The following CEP76 variants were observed in gnomAD, a reference collection of about 807,000 sequenced individuals.
The protein encoded by CEP76 is centrosomal protein of 76 kDa.
Under a neutral mutation model 83.3 loss-of-function variants are expected in CEP76, and 55 were observed. The observed-to-expected ratio is 0.66, with a 90% CI of 0.53 to 0.83. CEP76 has a LOEUF of 0.83. CEP76 is among the 40% of genes least tolerant of loss of function. CEP76 has a pLI of 0.00. For missense variants in CEP76, 694 were observed against 799.5 expected, an observed-to-expected ratio of 0.87 and a Z score of 1.59; for synonymous variants, 270 against 274.5, an observed-to-expected ratio of 0.98 and a Z score of 0.16.
downstream of CEP76, among the ~76,000 whole-genome samples, chr18:12,670,199 G>A (rs188079245): frequency 3.3e-5 from 5 of 151,794 alleles, no homozygotes; most frequent in East Asian, 3.9e-4. Flanking sequence ...GCGTGGTAGC[G>A]TGTGCCTGTA....
intron 2 of CEP76, among the ~76,000 whole-genome samples, 192 bp downstream of exon 2, chr18:12,700,766 A>G (rs1230870568): frequency 6.6e-6 from 1 of 152,178 alleles, no homozygotes; most frequent in East Asian, 1.9e-4. Context: ...CACAAATTTC[A>G]TTGATACACA....
intron 12 of CEP76, among the ~76,000 whole-genome samples, chr18:12,666,755 A>G (rs1020176411): frequency 6.6e-6 from 1 of 152,080 alleles, no homozygotes; most frequent in Non-Finnish European, 1.5e-5. Context: ...GGCCAAAAAA[A>G]AAAAAACTTT....
At position 12,701,071 on chromosome 18, in the gene CEP76, T is replaced by G; in HGVS notation, c.106A>C (p.Ile36Leu). The change falls in exon 2 of 12, where the codon ATA becomes CTA. Residue 36 changes from isoleucine to leucine, a missense_variant. Ile to Leu is a conservative substitution (Grantham distance 5). Transcript: ENST00000262127. ...TGATCAGGTGCCAATTCTTCCCGTA[T>G]AGTCTCAGCAAGGATTTCTCTTATT... The part of the protein sequence containing the change: ...GRIREILAET[I>L]REELAPDQQH... 6.2e-7 allele frequency: 1 copy of G among 1,613,682 alleles called. No homozygotes were observed. Among genetic ancestry groups the G allele is most frequent in the South Asian group, 1.1e-5 (1 of 91,036 alleles).
chr18:12,685,954 TA>T (rs2039525685), intron 8 of CEP76: 1 of 188,444 alleles, frequency 5.3e-6, no homozygotes, highest in Non-Finnish European at 1.1e-5. Flanking sequence ...ATTTTATATA[TA>T]ACCTAAGCAC....
intron 8 of CEP76, 194 bp downstream of exon 8, chr18:12,686,067 AT>A (rs1438147715): frequency 4.3e-6 from 2 of 468,424 alleles, no homozygotes; most frequent in South Asian, 3.2e-5. Context: ...AATTTGTACT[AT>A]TTTTTATTAT....
At chr18:12,669,342 C>T (rs185088696), downstream of CEP76, among the ~76,000 whole-genome samples, 700 of 152,010 alleles carry the variant, frequency 4.6e-3, 5 homozygotes, top group African/African-American at 0.016. Context: ...GAACTCCTGA[C>T]CTCAGGTGAT....
intron 8 of CEP76, among the ~76,000 whole-genome samples, chr18:12,682,173 C>T (rs371886974): frequency 1.1e-4 from 16 of 149,598 alleles, no homozygotes; most frequent in African/African-American, 2.4e-4. Flanking sequence ...TTTTTTTTTT[C>T]CTCTCTTTTG....
In CEP76 at chr18:12,688,146, G is replaced by T. The variant is rs147729494; in HGVS notation, c.934-1696C>A. ...CTTAGGAGGCTGAGGCAGGAGAATG[G>T]CATGAATCTGGGAGGCGGAGCTTGC... On this transcript the variant is annotated intron_variant, in intron 7 of 11. Transcript: ENST00000262127. Among the ~76,000 whole-genome samples, 1,370 of 150,998 alleles carry T rather than the reference G, an allele frequency of 9.1e-3. 29 individuals are homozygous for T. The highest frequency in any genetic ancestry group is 0.032 in the African/African-American group (1,322 of 41,072).
chr18:12,701,337 C>T (rs2040143202), intron 1 of CEP76, among the ~76,000 whole-genome samples: 1 of 152,140 alleles, frequency 6.6e-6, no homozygotes, highest in African/African-American at 2.4e-5. Flanking sequence ...AAACAACACT[C>T]AACCAAAAGG....
chr18:12,699,015 C>G lies in CEP76; in HGVS notation c.484G>C (p.Asp162His). Reference sequence around the variant, plus strand: ...CTGTGTACTTCAAGTAAAAAGCCATCATGAAAATCTGGTTCACAGGCACAT... The same window carrying G: ...CTGTGTACTTCAAGTAAAAAGCCATGATGAAAATCTGGTTCACAGGCACAT... ...VPCACEPDFHDGFLLEVHRES... is the reference protein window; with the variant it reads ...VPCACEPDFHHGFLLEVHRES... The change falls in exon 4 of 12, where the codon GAT becomes CAT. Residue 162 changes from aspartate (D) to histidine (H), a missense_variant. Coordinates refer to ENST00000262127, the MANE Select transcript of CEP76 (RefSeq NM_024899.4). 1 of 1,613,544 alleles carries G rather than the reference C, an allele frequency of 6.2e-7. No homozygotes were observed. The highest frequency in any genetic ancestry group is 1.1e-5 in the South Asian group (1 of 91,026).
Position 12,702,533 on chromosome 18 carries a change from C to G in CEP76, c.16G>C (p.Glu6Gln). The change falls in exon 1 of 12, where the codon GAG (glutamate) becomes CAG (glutamine). Residue 6 changes from glutamate to glutamine, a missense_variant. Glu to Gln is a conservative substitution (Grantham distance 29). Transcript: ENST00000262127. ...AGCTGCTTCAGCTCGGAGGCTTTCT[C>G]CGGAGGCAGCGACATGCTGGCAGCC... MSLPPEKASELKQLIH... is the reference protein window; with the variant it reads MSLPPQKASELKQLIH... 1 of 1,608,084 alleles carries G rather than the reference C, an allele frequency of 6.2e-7. No individual in the cohort carries two copies. The highest frequency in any genetic ancestry group is 2.2e-5 in the East Asian group (1 of 44,540).
downstream of CEP76, among the ~76,000 whole-genome samples, chr18:12,667,760 C>CAAAAAAAAA (rs67167827): frequency 1.1e-5 from 1 of 89,932 alleles, no homozygotes; most frequent in African/African-American, 4.6e-5. Flanking sequence ...GACTCTTTCT[C>CAAAAAAAAA]AAAAAAAAAA....
chr18:12,678,455 A>C lies in CEP76; in HGVS notation c.1290-13T>G. ...TTTATGGATGTACCTAAAAAAATTAAATAATTTTATATATGAGAACTTAAA... is the reference window on the plus strand; with the variant it reads ...TTTATGGATGTACCTAAAAAAATTACATAATTTTATATATGAGAACTTAAA... On this transcript the variant is annotated splice_polypyrimidine_tract_variant and intron_variant, in intron 9 of 11. Coordinates refer to ENST00000262127, the MANE Select transcript of CEP76 (RefSeq NM_024899.4). The C allele has an allele frequency of 6.5e-7, 1 of 1,533,788 alleles. No individual in the cohort carries two copies. Among genetic ancestry groups the C allele is most frequent in the Non-Finnish European group, 8.8e-7 (1 of 1,132,380 alleles).
intron 1 of CEP76, 71 bp downstream of exon 1, chr18:12,702,415 C>G (rs1463253870): frequency 2.2e-5 from 27 of 1,234,384 alleles, no homozygotes; most frequent in Non-Finnish European, 3.1e-5. Context: ...GCTGTCGGCC[C>G]GGGGCCGCCG....
At chr18:12,678,522 C>T in intron 9 of CEP76, 80 bp from the exon 10 acceptor site, 1 of 922,694 alleles carries the variant, frequency 1.1e-6, no homozygotes, top group Non-Finnish European at 1.6e-6. Flanking sequence ...TATTCTAACA[C>T]TTAAGGCCAT....
chr18:12,691,092 G>T, intron 7 of CEP76: 1 of 295,784 alleles, frequency 3.4e-6, no homozygotes, highest in East Asian at 6.2e-5. Flanking sequence ...TATTCAGAAA[G>T]GGTTTAAAAC....
chr18:12,702,639 T>C lies in CEP76; in HGVS notation c.-91A>G. ...CGGGCCAGGGAGCGTTAGGAGCGAC[T>C]GGAGCACAAAGCGCCGCAGCCGTTC... On this transcript the variant is annotated 5_prime_UTR_variant, in exon 1 of 12. Transcript: ENST00000262127. The C allele has an allele frequency of 1.4e-6, 2 of 1,418,262 alleles. No individual in the cohort carries two copies. The highest frequency in any genetic ancestry group is 1.9e-6 in the Non-Finnish European group (2 of 1,056,568). 87.9% of individuals were successfully genotyped at this position (1,418,262 alleles called of 1,614,324 possible). A position where few individuals can be genotyped will look rare whatever the true frequency, so the allele number is the denominator to read the frequency against.
At chr18:12,662,292 A>G (rs1395025031) in intron 12 of CEP76, 1 of 378,218 alleles carries the variant, frequency 2.6e-6, no homozygotes, top group Admixed American at 3.4e-5. Context: ...TACTTTCAAA[A>G]TGTGCTCTTC....
At chr18:12,664,506 C>T (rs1292003376) in intron 12 of CEP76, among the ~76,000 whole-genome samples, 4 of 151,532 alleles carry the variant, frequency 2.6e-5, no homozygotes, top group Admixed American at 6.6e-5. Context: ...GCCAAGATCA[C>T]GCCATTGCAC....
Sources: allele counts gnomAD v4.1 joint callset (sites outside exome capture counted in the v4.1 genomes callset), GRCh38; gene constraint gnomAD v4.1.1; transcripts MANE v1.5; gene names NCBI Gene and HGNC (gene_info 2026-07-23, HGNC 2026-07-21).